Variants in BNC2 observed in about 807,000 individuals in gnomAD.
The protein encoded by BNC2 is zinc finger protein basonuclin-2.
Under a neutral mutation model 76.3 loss-of-function variants are expected in BNC2, and 20 were observed. That is an observed-to-expected ratio of 0.26 (90% CI 0.18 to 0.38). The LOEUF (loss-of-function observed/expected upper bound fraction) is 0.38. Among genes scored for constraint, BNC2 ranks in the 10% least tolerant of loss-of-function variants. The pLI is 1.00. For missense variants in BNC2, 1,382 were observed against 1,399.8 expected, an observed-to-expected ratio of 0.99 and a Z score of 0.20; for synonymous variants, 582 against 514.8, an observed-to-expected ratio of 1.13 and a Z score of -1.77.
chr9:16,763,379 G>A (rs767402081), intron 1 of BNC2, among the ~76,000 whole-genome samples: 1 of 151,520 alleles, frequency 6.6e-6, no homozygotes, highest in Non-Finnish European at 1.5e-5. Flanking sequence ...TGACCAGCCT[G>A]GGAAACATGA....
At chr9:16,682,850 A>G (rs1276540198) in intron 3 of BNC2, among the ~76,000 whole-genome samples, 1 of 152,262 alleles carries the variant, frequency 6.6e-6, no homozygotes, top group East Asian at 1.9e-4. Flanking sequence ...ATGATGAGGC[A>G]CAACTGAACT....
chr9:16,720,215 A>C (rs370932207), intron 3 of BNC2, among the ~76,000 whole-genome samples: 68 of 152,318 alleles, frequency 4.5e-4, no homozygotes, highest in African/African-American at 1.6e-3. Context: ...CTCTGCCAGA[A>C]TGATGTATTG....
At chr9:16,597,015 A>T (rs1403316749) in intron 3 of BNC2, among the ~76,000 whole-genome samples, 1 of 152,118 alleles carries the variant, frequency 6.6e-6, no homozygotes, top group East Asian at 1.9e-4. Flanking sequence ...TCTCTTCATC[A>T]TAGGAACAAC....
intron 1 of BNC2, among the ~76,000 whole-genome samples, chr9:16,771,155 C>T (rs530434760): frequency 6.6e-6 from 1 of 152,102 alleles, no homozygotes; most frequent in East Asian, 1.9e-4. Context: ...GGTGACAGAG[C>T]GAGACTCTGT....
intron 4 of BNC2, among the ~76,000 whole-genome samples, chr9:16,569,202 C>A (rs570612796): frequency 6.1e-4 from 93 of 151,420 alleles, no homozygotes; most frequent in Middle Eastern, 3.4e-3. Flanking sequence ...CATTACTATA[C>A]CTTATATACA....
chr9:16,759,287 C>A (rs559933910), intron 1 of BNC2, among the ~76,000 whole-genome samples: 7 of 152,272 alleles, frequency 4.6e-5, no homozygotes, highest in African/African-American at 1.7e-4. Flanking sequence ...TCTTTTTCCA[C>A]AGAAGTCAAG....
intron 3 of BNC2, among the ~76,000 whole-genome samples, chr9:16,725,285 A>G (rs1394244497): frequency 6.6e-6 from 1 of 152,042 alleles, no homozygotes; most frequent in Non-Finnish European, 1.5e-5. Flanking sequence ...ACTACAGGTA[A>G]GAAAAACAAA....
At chr9:16,647,844 T>C (rs1392525322) in intron 3 of BNC2, among the ~76,000 whole-genome samples, 1 of 152,184 alleles carries the variant, frequency 6.6e-6, no homozygotes, top group Non-Finnish European at 1.5e-5. Context: ...GCTATTCCAG[T>C]TCACTTGTGG....
At position 16,465,434 on chromosome 9, in the gene BNC2, C is replaced by CAAA. The variant is rs34834563; in HGVS notation, c.670-27913_670-27911dup. 2.1e-3 allele frequency among the ~76,000 whole-genome samples: 178 copies of CAAA among 84,242 alleles called. 3 individuals are homozygous for CAAA. Among genetic ancestry groups the CAAA allele is most frequent in the South Asian group, 6.1e-3 (13 of 2,140 alleles). 55.3% of individuals were successfully genotyped at this position (84,242 alleles called of 152,430 possible). On this transcript the variant is annotated intron_variant, in intron 5 of 6. Coordinates refer to ENST00000380672, the MANE Select transcript of BNC2 (RefSeq NM_017637.6). ...CTGGGCGACAGTGAGACTCCAACTC[C>CAAA]AAAAAAAAAAAAAAAAAAGGGTTAA...
At chr9:16,575,608 C>T (rs1226422440) in intron 4 of BNC2, among the ~76,000 whole-genome samples, 43 of 152,132 alleles carry the variant, frequency 2.8e-4, no homozygotes, top group Admixed American at 2.8e-3. Flanking sequence ...AGCACCAAAC[C>T]TTTGCATTTA....
At chr9:16,861,995 C>CAA (rs547045231) in intron 1 of BNC2, among the ~76,000 whole-genome samples, 7 of 123,458 alleles carry the variant, frequency 5.7e-5, no homozygotes, top group Admixed American at 8.1e-5. Flanking sequence ...TCTCAAAAGA[C>CAA]AAAAAAAAAA....
chr9:16,678,262 T>TTTCTC lies in BNC2; in HGVS notation c.330+49534_330+49535insGAGAA, dbSNP rs1438690767. On this transcript the variant is annotated intron_variant, in intron 3 of 6. Coordinates refer to ENST00000380672, the MANE Select transcript of BNC2 (RefSeq NM_017637.6). ...CCATAACTTGTAACTGTTTTCTTTC[T>TTTCTC]TTTTCTTTTTTTTTTTTTTTTTTTT... Among the ~76,000 whole-genome samples the TTTCTC allele has an allele frequency of 1.4e-3, 183 of 134,800 alleles. 6 individuals carry two copies. The highest frequency in any genetic ancestry group is 5.4e-3 in the East Asian group (17 of 3,140). The allele number at this position is 134,800 out of a possible 152,430, so 88.4% of individuals were successfully genotyped here. A position where few individuals can be genotyped will look rare whatever the true frequency, so the allele number is the denominator to read the frequency against.
At chr9:16,504,293 A>G (rs1397192418) in intron 5 of BNC2, among the ~76,000 whole-genome samples, 2 of 118,654 alleles carry the variant, frequency 1.7e-5, no homozygotes, top group Non-Finnish European at 3.2e-5. Context: ...TCCAGAATGA[A>G]TACATGTATT....
intron 3 of BNC2, among the ~76,000 whole-genome samples, chr9:16,677,772 A>G (rs765698435): frequency 3.7e-4 from 56 of 152,048 alleles, no homozygotes; most frequent in Non-Finnish European, 7.6e-4. Context: ...ACTAATAACA[A>G]TTTCATTCTG....
intron 3 of BNC2, among the ~76,000 whole-genome samples, chr9:16,663,130 C>CTTTTTTTTTTTTTTTTTTTTTTTT (rs71325979): frequency 5.0e-5 from 5 of 99,614 alleles, no homozygotes; most frequent in African/African-American, 1.1e-4. Context: ...TCTGTTTACT[C>CTTTTTTTTTTTTTTTTTTTTTTTT]TTTTTTTTTT....
At chr9:16,439,815 G>A (rs948121590) in intron 5 of BNC2, among the ~76,000 whole-genome samples, 1 of 152,196 alleles carries the variant, frequency 6.6e-6, no homozygotes, top group South Asian at 2.1e-4. Context: ...GTGAGTACGT[G>A]CATGTGGGTG....
intron 1 of BNC2, among the ~76,000 whole-genome samples, chr9:16,754,417 T>C (rs1825315433): frequency 6.6e-6 from 1 of 152,206 alleles, no homozygotes; most frequent in Non-Finnish European, 1.5e-5. Flanking sequence ...CAAACTGACC[T>C]GTCCGATATA....
chr9:16,528,908 T>G (rs568570064), intron 5 of BNC2, among the ~76,000 whole-genome samples: 4 of 152,316 alleles, frequency 2.6e-5, no homozygotes, highest in South Asian at 2.1e-4. Flanking sequence ...CTTATAACAA[T>G]GGAAACATAT....
chr9:16,482,065 A>G (rs1294790839), intron 5 of BNC2, among the ~76,000 whole-genome samples: 1 of 152,234 alleles, frequency 6.6e-6, no homozygotes, highest in Non-Finnish European at 1.5e-5. Context: ...TATGTGGCAC[A>G]TGCTAAATAC....
Sources: allele counts gnomAD v4.1 joint callset (sites outside exome capture counted in the v4.1 genomes callset), GRCh38; gene constraint gnomAD v4.1.1; transcripts MANE v1.5; gene names NCBI Gene and HGNC (gene_info 2026-07-23, HGNC 2026-07-21).